Variants in ATP13A3 observed in about 807,000 individuals in gnomAD.
The protein encoded by ATP13A3 is polyamine-transporting ATPase 13A3.
ATP13A3 carries 59 observed loss-of-function variants against 158.1 expected under a neutral mutation model. That is an observed-to-expected ratio of 0.37 (90% CI 0.30 to 0.46). The LOEUF (loss-of-function observed/expected upper bound fraction) is 0.46. Ranked by LOEUF, ATP13A3 falls within the 20% of genes least tolerant of loss-of-function variation. ATP13A3 has a pLI of 1.00. For synonymous variants in ATP13A3, 491 were observed against 504.3 expected (o/e 0.97, Z 0.35); for missense variants, 1,166 against 1,525.2 (o/e 0.76, Z 3.92).
Position 194,417,371 on chromosome 3 carries a change from A to G in ATP13A3, c.3402+2508T>C, listed in dbSNP as rs80197609. On this transcript the variant is annotated intron_variant, in intron 31 of 33. Transcript: ENST00000645319. ...CAAAGCTTGCAGTGGGCTGCACTCC[A>G]GCCTGGGTACCAGAGCCAGATTCTG... Among the ~76,000 whole-genome samples, 1,011 of 146,838 alleles carry G rather than the reference A, an allele frequency of 6.9e-3. 12 individuals are homozygous for G. The highest frequency in any genetic ancestry group is 0.024 in the African/African-American group (956 of 39,654).
At chr3:194,454,197 C>G in intron 9 of ATP13A3, 61 bp downstream of exon 9, 1 of 1,467,116 alleles carries the variant, frequency 6.8e-7, no homozygotes, top group Non-Finnish European at 9.4e-7. Flanking sequence ...ATTCTACACA[C>G]ATTAGATGTT....
intron 2 of ATP13A3, among the ~76,000 whole-genome samples, chr3:194,466,490 T>C (rs1280730987): frequency 1.3e-5 from 2 of 152,194 alleles, no homozygotes; most frequent in Non-Finnish European, 2.9e-5. Flanking sequence ...ACCAACTTTT[T>C]TGTAGGTTTA....
At chr3:194,453,961 C>T (rs139085904) in intron 9 of ATP13A3, among the ~76,000 whole-genome samples, 183 bp from the exon 10 acceptor site, 33 of 152,308 alleles carry the variant, frequency 2.2e-4, no homozygotes, top group Non-Finnish European at 8.8e-5. Flanking sequence ...AGCACTTTAA[C>T]AGGATAGCCC....
At chr3:194,460,058 A>G (rs1342564305) in intron 4 of ATP13A3, 87 bp from the exon 5 acceptor site, 8 of 1,102,622 alleles carry the variant, frequency 7.3e-6, no homozygotes, top group Non-Finnish European at 7.7e-6. Context: ...TTTACAAGAC[A>G]TTATTTCCTC....
intron 2 of ATP13A3, among the ~76,000 whole-genome samples, chr3:194,493,702 A>G (rs1258311817): frequency 6.6e-6 from 1 of 152,166 alleles, no homozygotes; most frequent in East Asian, 1.9e-4. Context: ...ACAACCTTGA[A>G]TAAGCACCTA....
At chr3:194,482,819 T>A (rs1306844302) in intron 2 of ATP13A3, among the ~76,000 whole-genome samples, 1 of 151,588 alleles carries the variant, frequency 6.6e-6, no homozygotes, top group East Asian at 2.0e-4. Flanking sequence ...TACAAAAAAA[T>A]TTTAAAGGCC....
At chr3:194,490,820 G>C (rs185029490), upstream of ATP13A3, among the ~76,000 whole-genome samples, 1 of 152,320 alleles carries the variant, frequency 6.6e-6, no homozygotes, top group Admixed American at 6.5e-5. The surrounding 1 kb of genome is among the most constrained non-coding windows in gnomAD (Gnocchi z 4.4). Context: ...CATCTACTAT[G>C]GCTATAGCTG....
chr3:194,433,872 A>T lies in ATP13A3; in HGVS notation c.2145T>A (p.Asp715Glu), dbSNP rs751139654. 1.2e-6 allele frequency: 2 copies of T among 1,613,938 alleles called. No individual in the cohort carries two copies. Residue 715 changes from aspartate (D) to glutamate (E), a missense_variant, in exon 21 of 34, where the codon GAT becomes GAA. Coordinates refer to ENST00000645319, the MANE Select transcript of ATP13A3 (RefSeq NM_001367549.1). ...ISRDAIENNM[D>E]FMGLIIMQNK... ...TCTGCATTATAATTAATCCCATAAA[A>T]TCCATGTTGTTCTCAATTGCATCTC...
chr3:194,415,079 G>T (rs1715725527), intron 31 of ATP13A3, among the ~76,000 whole-genome samples: 2 of 152,218 alleles, frequency 1.3e-5, no homozygotes, highest in South Asian at 4.1e-4. Context: ...AGCCAAAGTG[G>T]AAAATGAGAC....
chr3:194,436,702 G>A (rs542032485), intron 20 of ATP13A3, among the ~76,000 whole-genome samples: 3 of 152,350 alleles, frequency 2.0e-5, no homozygotes, highest in East Asian at 1.9e-4. Context: ...ATAAAAATTA[G>A]TCAGGTATGG....
intron 30 of ATP13A3, 149 bp downstream of exon 30, chr3:194,425,192 GT>G: frequency 1.2e-6 from 1 of 810,526 alleles, no homozygotes; most frequent in East Asian, 2.8e-5. Context: ...ACCAATGAAA[GT>G]AAAACAAAAC....
intron 2 of ATP13A3, among the ~76,000 whole-genome samples, chr3:194,477,079 G>GC: frequency 6.6e-6 from 1 of 152,140 alleles, no homozygotes; most frequent in East Asian, 1.9e-4. Context: ...TCTTCAAAGA[G>GC]CCCTACTGTT....
At chr3:194,468,386 T>TAAAAAAAAAAAAAAAAAA (rs35011462) in intron 2 of ATP13A3, 59 of 111,848 alleles carry the variant, frequency 5.3e-4, no homozygotes, top group African/African-American at 2.1e-3. Flanking sequence ...TGTGTGAGTT[T>TAAAAAAAAAAAAAAAAAA]AAAAAAAAAA....
chr3:194,407,515 G>C (rs185641759), intron 33 of ATP13A3, among the ~76,000 whole-genome samples: 53 of 152,288 alleles, frequency 3.5e-4, no homozygotes, highest in African/African-American at 1.2e-3. Context: ...ACAACCATCA[G>C]GAACCTACCA....
intron 33 of ATP13A3, among the ~76,000 whole-genome samples, chr3:194,410,577 G>T (rs950508900): frequency 2.6e-5 from 4 of 151,866 alleles, no homozygotes; most frequent in African/African-American, 9.7e-5. Flanking sequence ...CTCACAAAAA[G>T]AGAAGGGCAG....
rs1383246743 is a variant in ATP13A3 at position 194,404,773 on chromosome 3, C to T, written c.*1146G>A. ...ATTTTTTTTCTCCCAGAAATTTCCG[C>T]ATCAAATATGCTCATTTGTAACGAT... On this transcript the variant is annotated 3_prime_UTR_variant, in exon 34 of 34. Transcript: ENST00000645319. 2 of 152,128 alleles carry T rather than the reference C, an allele frequency of 1.3e-5. No homozygotes were observed. The highest frequency in any genetic ancestry group is 2.4e-5 in the African/African-American group (1 of 41,412). The allele number at this position is 152,128 out of a possible 1,614,324, so 9.4% of individuals were successfully genotyped here.
chr3:194,491,825 C>T (rs1721149891), upstream of ATP13A3, among the ~76,000 whole-genome samples: 1 of 141,010 alleles, frequency 7.1e-6, no homozygotes, highest in African/African-American at 2.7e-5. Context: ...CATGCCCCCT[C>T]ATCTCTCACC....
chr3:194,481,417 A>G (rs971891630), intron 2 of ATP13A3, among the ~76,000 whole-genome samples: 1 of 152,174 alleles, frequency 6.6e-6, no homozygotes, highest in African/African-American at 2.4e-5. Context: ...GAGATGTGCC[A>G]TTACTACAGA....
intron 31 of ATP13A3, among the ~76,000 whole-genome samples, chr3:194,419,220 A>G (rs560004089): frequency 6.6e-6 from 1 of 152,346 alleles, no homozygotes; most frequent in Admixed American, 6.5e-5. Context: ...GTTCAAGAGC[A>G]CACAAAACTA....
Sources: allele counts gnomAD v4.1 joint callset (sites outside exome capture counted in the v4.1 genomes callset), GRCh38; gene constraint gnomAD v4.1.1; non-coding constraint Gnocchi (gnomAD v3.1); transcripts MANE v1.5; gene names NCBI Gene and HGNC (gene_info 2026-07-23, HGNC 2026-07-21).